The following HS6ST3 variants were observed in gnomAD, a reference collection of about 807,000 sequenced individuals.
HS6ST3 encodes heparan-sulfate 6-O-sulfotransferase 3.
HS6ST3 carries 12 observed loss-of-function variants against 36.7 expected under a neutral mutation model. The ratio of observed to expected loss-of-function variants is 0.33; its 90% CI spans 0.21 to 0.53. The LOEUF (loss-of-function observed/expected upper bound fraction) is 0.53. Ranked by LOEUF, HS6ST3 falls within the 20% of genes least tolerant of loss-of-function variation. The pLI is 0.95. For missense variants in HS6ST3, 584 were observed against 640.9 expected, an observed-to-expected ratio of 0.91 and a Z score of 0.96; for synonymous variants, 240 against 257.5, an observed-to-expected ratio of 0.93 and a Z score of 0.65.
At chr13:96,603,226 A>G (rs2056427805) in intron 1 of HS6ST3, among the ~76,000 whole-genome samples, 1 of 151,908 alleles carries the variant, frequency 6.6e-6, no homozygotes, top group African/African-American at 2.4e-5. Flanking sequence ...TTTTTGTCCC[A>G]CTCATTTTTT....
At position 96,525,946 on chromosome 13, in the gene HS6ST3, C is replaced by T. The variant is rs963053353; in HGVS notation, c.708-306544C>T. The stretch of plus-strand genomic sequence containing the variant: ...CAATTGTAATACTGTGTATGCTTAC[C>T]CTTTAGGCATTCCCAGGACATTGTA... On this transcript the variant is annotated intron_variant, in intron 1 of 1. Coordinates refer to ENST00000376705, the MANE Select transcript of HS6ST3 (RefSeq NM_153456.4). Among the ~76,000 whole-genome samples, 17 of 152,194 alleles carry T rather than the reference C, an allele frequency of 1.1e-4. No individual in the cohort carries two copies. The East Asian group carries it at 2.3e-3, about 21-fold the overall frequency.
intron 1 of HS6ST3, among the ~76,000 whole-genome samples, chr13:96,828,050 C>T (rs1212261973): frequency 1.3e-5 from 2 of 152,176 alleles, no homozygotes; most frequent in Non-Finnish European, 2.9e-5. Flanking sequence ...TTCTGCTTTC[C>T]CTGCTGACCT....
chr13:96,667,461 T>C (rs2056667855), intron 1 of HS6ST3, among the ~76,000 whole-genome samples: 1 of 152,164 alleles, frequency 6.6e-6, no homozygotes, highest in African/African-American at 2.4e-5. Flanking sequence ...AGAACGTAAA[T>C]TTTACTCATT....
intron 1 of HS6ST3, among the ~76,000 whole-genome samples, chr13:96,322,399 A>C (rs1486914779): frequency 7.1e-6 from 1 of 140,690 alleles, no homozygotes; most frequent in Admixed American, 7.0e-5. Context: ...AAAAAAAAAA[A>C]AACAAGCATT....
intron 1 of HS6ST3, among the ~76,000 whole-genome samples, chr13:96,725,059 G>T (rs1328284797): frequency 6.6e-6 from 1 of 152,170 alleles, no homozygotes; most frequent in Admixed American, 6.5e-5. Flanking sequence ...TAGTATAGGG[G>T]ATGTGAACTA....
At chr13:96,684,551 G>C (rs1236949447) in intron 1 of HS6ST3, among the ~76,000 whole-genome samples, 1 of 151,992 alleles carries the variant, frequency 6.6e-6, no homozygotes, top group African/African-American at 2.4e-5. Context: ...ATTGGTAAGG[G>C]GTGAGAAGCA....
At position 96,492,204 on chromosome 13, in the gene HS6ST3, G is replaced by C. The variant is rs930225245; in HGVS notation, c.708-340286G>C. 2.0e-5 allele frequency among the ~76,000 whole-genome samples: 3 copies of C among 152,144 alleles called. No homozygotes were observed. The East Asian group carries it at 5.8e-4, about 29-fold the overall frequency. On this transcript the variant is annotated intron_variant, in intron 1 of 1. Transcript: ENST00000376705. Reference sequence around the variant, plus strand: ...ATTGGTTAATCCACATTCTTCAGGGGCTGGGTTCATTCTCTCTGCTTTTGC... The same window carrying C: ...ATTGGTTAATCCACATTCTTCAGGGCCTGGGTTCATTCTCTCTGCTTTTGC...
At chr13:96,339,262 A>G (rs1358883034) in intron 1 of HS6ST3, among the ~76,000 whole-genome samples, 1 of 152,194 alleles carries the variant, frequency 6.6e-6, no homozygotes, top group Non-Finnish European at 1.5e-5. Context: ...TTGATGAAGA[A>G]CAAACCCTCT....
At chr13:96,389,295 A>AT (rs1265894804) in intron 1 of HS6ST3, among the ~76,000 whole-genome samples, 1 of 152,144 alleles carries the variant, frequency 6.6e-6, no homozygotes, top group East Asian at 1.9e-4. Context: ...GAGATGACAG[A>AT]TATGTGAATT....
intron 1 of HS6ST3, among the ~76,000 whole-genome samples, chr13:96,659,687 G>A (rs926297250): frequency 6.6e-6 from 1 of 151,708 alleles, no homozygotes; most frequent in African/African-American, 2.4e-5. Flanking sequence ...GAAATAATGG[G>A]GCAATGTTCA....
intron 1 of HS6ST3, among the ~76,000 whole-genome samples, chr13:96,722,342 T>C (rs1875871231): frequency 6.6e-6 from 1 of 152,234 alleles, no homozygotes; most frequent in Non-Finnish European, 1.5e-5. Flanking sequence ...CCATAGGATA[T>C]TGCATCTCAA....
At chr13:96,523,025 C>T (rs1210984001) in intron 1 of HS6ST3, among the ~76,000 whole-genome samples, 1 of 152,112 alleles carries the variant, frequency 6.6e-6, no homozygotes, top group Non-Finnish European at 1.5e-5. Context: ...ATGTTTAGTG[C>T]TTCCTTCAGG....
intron 1 of HS6ST3, among the ~76,000 whole-genome samples, chr13:96,564,239 C>T (rs373754809): frequency 2.0e-5 from 3 of 152,268 alleles, no homozygotes; most frequent in East Asian, 3.9e-4. Flanking sequence ...GAATTCTTTG[C>T]TTGGGAAAAA....
At chr13:96,481,347 T>C (rs2055889325) in intron 1 of HS6ST3, among the ~76,000 whole-genome samples, 1 of 152,208 alleles carries the variant, frequency 6.6e-6, no homozygotes, top group Admixed American at 6.5e-5. Context: ...TTCCCTGCTT[T>C]TCCTCCTGTG....
At chr13:96,351,334 T>TAAA in intron 1 of HS6ST3, among the ~76,000 whole-genome samples, 1 of 41,772 alleles carries the variant, frequency 2.4e-5, no homozygotes, top group African/African-American at 1.6e-4. Flanking sequence ...TTTTTTTTTT[T>TAAA]TAAAAAAAAC....
intron 1 of HS6ST3, among the ~76,000 whole-genome samples, chr13:96,167,878 T>C (rs572794329): frequency 7.9e-5 from 12 of 152,300 alleles, no homozygotes; most frequent in African/African-American, 2.2e-4. Flanking sequence ...ACTCTGTATA[T>C]GTGTGTGTAA....
intron 1 of HS6ST3, among the ~76,000 whole-genome samples, chr13:96,184,221 A>AAGAGAGAGAGAG (rs1555389927): frequency 1.6e-5 from 1 of 61,006 alleles, no homozygotes; most frequent in African/African-American, 7.4e-5. Context: ...AAAAAAAAAA[A>AAGAGAGAGAGAG]AGAGAGAGAG....
At chr13:96,194,141 C>T (rs1460103673) in intron 1 of HS6ST3, among the ~76,000 whole-genome samples, 1 of 152,182 alleles carries the variant, frequency 6.6e-6, no homozygotes, top group African/African-American at 2.4e-5. Flanking sequence ...TATTTGCCGC[C>T]ATTCCACATA....
intron 1 of HS6ST3, among the ~76,000 whole-genome samples, chr13:96,549,653 T>C (rs1042414078): frequency 1.3e-5 from 2 of 152,226 alleles, no homozygotes; most frequent in Non-Finnish European, 2.9e-5. Flanking sequence ...TAGATTACTT[T>C]CAGAGGCATT....
Sources: gnomAD v4.1 joint callset for allele counts (sites outside exome capture counted in the v4.1 genomes callset) on GRCh38, gnomAD v4.1.1 for gene constraint, MANE v1.5 for transcripts, NCBI Gene and HGNC (gene_info 2026-07-23, HGNC 2026-07-21) for gene names.